Variants in RBFOX1 observed in about 807,000 individuals in gnomAD.
RBFOX1 encodes the protein RNA binding protein fox-1 homolog 1.
Under a neutral mutation model 57.7 loss-of-function variants are expected in RBFOX1, and 8 were observed. The ratio of observed to expected loss-of-function variants is 0.14; its 90% confidence interval spans 0.08 to 0.25. The LOEUF is 0.25. Among genes scored for constraint, RBFOX1 ranks in the 10% least tolerant of loss-of-function variants. The pLI, the probability that RBFOX1 is intolerant of heterozygous loss-of-function variation, is 1.00. For synonymous variants in RBFOX1, 326 were observed against 222.4 expected (o/e 1.47, Z -4.15); for missense variants, 611 against 548.5 (o/e 1.11, Z -1.14).
chr16:7,083,252 A>G (rs577804330), intron 4 of RBFOX1, among the ~76,000 whole-genome samples: 329 of 151,906 alleles, frequency 2.2e-3, no homozygotes, highest in African/African-American at 7.4e-3. Context: ...GGATTGTAAC[A>G]CCTCCCACAC....
intron 1 of RBFOX1, among the ~76,000 whole-genome samples, chr16:6,020,925 C>G (rs1019401337): frequency 2.6e-5 from 4 of 152,214 alleles, no homozygotes; most frequent in African/African-American, 7.2e-5. Context: ...CCTGGAGCCC[C>G]CAGCTCCATT....
chr16:6,114,090 A>AT (rs2096473975), intron 1 of RBFOX1, among the ~76,000 whole-genome samples: 1 of 151,900 alleles, frequency 6.6e-6, no homozygotes, highest in Non-Finnish European at 1.5e-5. Context: ...TGTTCTCATT[A>AT]TTTTTTTTCT....
At chr16:5,789,167 A>G (rs1255215199) in intron 3 of RBFOX1, among the ~76,000 whole-genome samples, 1 of 152,192 alleles carries the variant, frequency 6.6e-6, no homozygotes, top group Non-Finnish European at 1.5e-5. Flanking sequence ...CTCTAATTAA[A>G]TACATGGCAG....
rs2043055303 is a variant in RBFOX1, at chr16:5,497,852, A to C, written c.258+30598A>C. On this transcript the variant is annotated intron_variant, in intron 2 of 2. Coordinates refer to the RBFOX1 transcript ENST00000585867. ...CAAGAATAACAAAGTGATGAAATCA[A>C]AGGCTTGCAGGGAGGATGCTTTAGG... 1.3e-5 allele frequency among the ~76,000 whole-genome samples: 2 copies of C among 152,232 alleles called. 1 individual carries two copies. Among genetic ancestry groups the C allele is most frequent in the South Asian group, 4.1e-4 (2 of 4,832 alleles).
chr16:6,473,062 C>G (rs1266216977), intron 2 of RBFOX1, among the ~76,000 whole-genome samples: 1 of 152,126 alleles, frequency 6.6e-6, no homozygotes, highest in South Asian at 2.1e-4. Context: ...CCATGATTAC[C>G]TATGTACCTC....
chr16:5,421,455 T>C (rs892537841), intron 1 of RBFOX1, among the ~76,000 whole-genome samples: 3 of 152,160 alleles, frequency 2.0e-5, no homozygotes, highest in African/African-American at 7.2e-5. Context: ...CACGTGCAAG[T>C]GTGGCTTTGA....
chr16:5,760,873 C>T (rs981272508), intron 3 of RBFOX1, among the ~76,000 whole-genome samples: 9 of 152,014 alleles, frequency 5.9e-5, no homozygotes, highest in African/African-American at 2.2e-4. Context: ...AGTGGGGTTT[C>T]CCTTTGGGGT....
chr16:5,480,779 CT>C (rs1259130102), intron 2 of RBFOX1, among the ~76,000 whole-genome samples: 1 of 152,210 alleles, frequency 6.6e-6, no homozygotes, highest in African/African-American at 2.4e-5. Context: ...AGTTCTGTGC[CT>C]TTCTTCTCAG....
chr16:7,004,960 A>G (rs1479366745), intron 3 of RBFOX1, among the ~76,000 whole-genome samples: 4 of 152,156 alleles, frequency 2.6e-5, no homozygotes, highest in African/African-American at 4.8e-5. Flanking sequence ...CTTGGCCAAC[A>G]TGGTGAAACC....
At chr16:6,271,039 G>A (rs1480509200) in intron 1 of RBFOX1, among the ~76,000 whole-genome samples, 3 of 152,182 alleles carry the variant, frequency 2.0e-5, no homozygotes, top group African/African-American at 7.2e-5. Context: ...CACAGCTAAA[G>A]TAATACTGAG....
intron 1 of RBFOX1, among the ~76,000 whole-genome samples, chr16:5,409,940 T>A (rs2066971030): frequency 6.7e-6 from 1 of 150,086 alleles, no homozygotes; most frequent in Admixed American, 6.7e-5. Flanking sequence ...CCCAGCTACT[T>A]GGGAAGGTGA....
intron 3 of RBFOX1, among the ~76,000 whole-genome samples, chr16:6,804,246 G>C (rs1359822133): frequency 2.6e-5 from 4 of 151,698 alleles, no homozygotes; most frequent in Non-Finnish European, 4.4e-5. Context: ...CTGACCTCTT[G>C]ATCCGCCCAC....
intron 3 of RBFOX1, among the ~76,000 whole-genome samples, chr16:5,824,228 T>G (rs756654888): frequency 2.4e-4 from 36 of 152,198 alleles, no homozygotes; most frequent in Non-Finnish European, 4.9e-4. Flanking sequence ...CGCCAGAGTC[T>G]GCGCCAGGTC....
rs138333781 is a variant in RBFOX1, at chr16:5,908,004, G to A, written c.351+40669G>A. Reference sequence around the variant, plus strand: ...GACCTCAAGTTCTCCACCCTCTTCGGCCTCTGCAAGTGCTGGGATTACAGG... The same window carrying A: ...GACCTCAAGTTCTCCACCCTCTTCGACCTCTGCAAGTGCTGGGATTACAGG... On this transcript the variant is annotated intron_variant, in intron 4 of 19. Transcript: ENST00000641259. Among the ~76,000 whole-genome samples the A allele has an allele frequency of 2.9e-3, 446 of 151,394 alleles. 1 individual carries two copies. Among genetic ancestry groups the A allele is most frequent in the Non-Finnish European group, 5.0e-3 (343 of 67,926 alleles).
chr16:5,313,965 G>C (rs967415571), intron 1 of RBFOX1, among the ~76,000 whole-genome samples: 1 of 152,274 alleles, frequency 6.6e-6, no homozygotes, highest in African/African-American at 2.4e-5. Flanking sequence ...TCCTTTCTCT[G>C]GGTAAGGTTG....
chr16:5,434,943 C>G (rs1168385873), intron 1 of RBFOX1, among the ~76,000 whole-genome samples: 3 of 152,182 alleles, frequency 2.0e-5, no homozygotes, highest in Non-Finnish European at 4.4e-5. Flanking sequence ...TTCCCTCCAT[C>G]TCTTTCCTCC....
At chr16:7,275,881 A>C in intron 4 of RBFOX1, among the ~76,000 whole-genome samples, 1 of 152,210 alleles carries the variant, frequency 6.6e-6, no homozygotes, top group South Asian at 2.1e-4. Flanking sequence ...TCTGAGAGGC[A>C]GCCCCAGGGG....
chr16:6,701,133 G>GTA (rs1568274236), intron 3 of RBFOX1, among the ~76,000 whole-genome samples: 1 of 126,546 alleles, frequency 7.9e-6, no homozygotes, highest in South Asian at 2.5e-4. Context: ...CTCTGTGTGT[G>GTA]TATGTGTGTG....
At chr16:5,560,999 A>G (rs535361825) in intron 2 of RBFOX1, among the ~76,000 whole-genome samples, 1 of 152,328 alleles carries the variant, frequency 6.6e-6, no homozygotes, top group South Asian at 2.1e-4. Context: ...TAATGCCAGG[A>G]CTAAACCTCA....
Sources: gnomAD v4.1 joint callset for allele counts (sites outside exome capture counted in the v4.1 genomes callset) on GRCh38, gnomAD v4.1.1 for gene constraint, MANE v1.5 for transcripts, NCBI Gene and HGNC (gene_info 2026-07-23, HGNC 2026-07-21) for gene names.